The following SCN7A variants were observed in gnomAD, a reference collection of about 807,000 sequenced individuals.
SCN7A encodes the protein sodium channel protein type 7 subunit alpha.
In SCN7A, 138 loss-of-function variants were observed where a neutral mutation model predicts 155.2. That is an observed-to-expected ratio of 0.89 (90% CI 0.77 to 1.02). The LOEUF is 1.02. SCN7A is among the 50% of genes least tolerant of loss of function. SCN7A has a pLI of 0.00. For missense variants in SCN7A, 2,058 were observed against 1,986.6 expected, an observed-to-expected ratio of 1.04 and a Z score of -0.68; for synonymous variants, 693 against 649.0, an observed-to-expected ratio of 1.07 and a Z score of -1.03.
intron 11 of SCN7A, among the ~76,000 whole-genome samples, chr2:166,452,526 T>G (rs1702195549): frequency 6.6e-6 from 1 of 152,188 alleles, no homozygotes. Flanking sequence ...TTATATCCAG[T>G]GCTTTGTACA....
chr2:166,460,390 T>A (rs1159096879), intron 10 of SCN7A, among the ~76,000 whole-genome samples: 1 of 152,008 alleles, frequency 6.6e-6, no homozygotes. Flanking sequence ...TATGTGTAGA[T>A]GCTGAGAAAT....
At chr2:166,459,741 G>A (rs142771013) in intron 10 of SCN7A, among the ~76,000 whole-genome samples, 3 of 152,022 alleles carry the variant, frequency 2.0e-5, no homozygotes, top group Non-Finnish European at 2.9e-5. Context: ...GCCCATCAAC[G>A]TTAAACTGGA....
chr2:166,464,253 G>A (rs1273064842), intron 9 of SCN7A, among the ~76,000 whole-genome samples: 1 of 151,566 alleles, frequency 6.6e-6, no homozygotes, highest in Non-Finnish European at 1.5e-5. Context: ...GTGAGAAAAT[G>A]TCAAAATCCC....
At chr2:166,477,817 G>A (rs1433299021) in intron 2 of SCN7A, 107 bp from the exon 3 acceptor site, 4 of 592,460 alleles carry the variant, frequency 6.8e-6, no homozygotes, top group South Asian at 7.0e-5. Flanking sequence ...TGCATTTAAA[G>A]AACATATTCC....
chr2:166,450,923 G>C (rs985667682), intron 11 of SCN7A, among the ~76,000 whole-genome samples: 1 of 151,978 alleles, frequency 6.6e-6, no homozygotes, highest in African/African-American at 2.4e-5. Context: ...CCAAATTTTC[G>C]TGAGATTAAA....
At chr2:166,452,666 T>C (rs1397915543) in intron 11 of SCN7A, among the ~76,000 whole-genome samples, 1 of 151,394 alleles carries the variant, frequency 6.6e-6, no homozygotes, top group Non-Finnish European at 1.5e-5. Context: ...TTGCCAGTAG[T>C]TGACAATTCA....
rs201204940 is a variant in SCN7A, at chr2:166,416,804, C to T, written c.3317G>A (p.Arg1106Gln). The change falls in exon 21 of 26, where the codon CGG becomes CAG. Residue 1106 changes from arginine to glutamine, a missense_variant. By Grantham distance (43) the Arg-to-Gln change is conservative. Coordinates refer to ENST00000643258, the MANE Select transcript of SCN7A (RefSeq NM_002976.4). ...TTCGTTAAACAGAAGGCTTTCACAC[C>T]GACTCTTATTCATGACTTCAGATGA... is the stretch of plus-strand genomic sequence containing the variant. The part of the protein sequence containing the change: ...FPSSEVMNKS[R>Q]CESLLFNESM... 1.5e-4 allele frequency: 249 copies of T among 1,613,340 alleles called. 2 individuals carry two copies. Among genetic ancestry groups the T allele is most frequent in the Admixed American group, 5.0e-4 (30 of 59,932 alleles).
intron 22 of SCN7A, 118 bp downstream of exon 22, chr2:166,412,950 A>G (rs979772207): frequency 1.9e-5 from 17 of 882,118 alleles, no homozygotes; most frequent in Non-Finnish European, 2.6e-5. Flanking sequence ...TTGCCAATGA[A>G]ATATCCAATC....
At position 166,406,011 on chromosome 2, in the gene SCN7A, C is replaced by A. The variant is rs767621934; in HGVS notation, c.4618G>T (p.Asp1540Tyr). 7 of 1,612,970 alleles carry A rather than the reference C, an allele frequency of 4.3e-6. No homozygotes were observed. In the Admixed American group the frequency reaches 1.2e-4, roughly 27 times the overall value. The change falls in exon 26 of 26, where the codon GAT becomes TAT. Residue 1540 changes from aspartate (D) to tyrosine (Y), a missense_variant. Physicochemically the swap from Asp to Tyr is radical, Grantham distance 160. Transcript: ENST00000643258. ...TQYIDSSKLS[D>Y]FAAALDPPLF... ...GGAGGATCAAGAGCAGCTGCAAAAT[C>A]TGAAAGCTTGCTAGAGTCTATGTAC...
intron 10 of SCN7A, chr2:166,461,653 T>G (rs940597520): frequency 1.2e-5 from 1 of 82,946 alleles, no homozygotes; most frequent in African/African-American, 5.2e-5. Flanking sequence ...AATTAATACC[T>G]AGATATGTTC....
chr2:166,479,549 T>C (rs577220530), intron 2 of SCN7A, among the ~76,000 whole-genome samples: 1 of 151,930 alleles, frequency 6.6e-6, no homozygotes, highest in South Asian at 2.1e-4. Context: ...GCTTTTCATG[T>C]CTGCCGCATT....
chr2:166,465,757 T>A, intron 8 of SCN7A, 24 bp downstream of exon 8: 1 of 1,608,810 alleles, frequency 6.2e-7, no homozygotes, highest in Non-Finnish European at 8.5e-7. Context: ...CAATTTTTGA[T>A]ATACATGGCA....
At position 166,406,626 on chromosome 2, in the gene SCN7A, C is replaced by T; in HGVS notation, c.4003G>A (p.Val1335Ile). Residue 1335 changes from valine to isoleucine, a missense_variant, in exon 26 of 26, where the codon GTA (valine) becomes ATA (isoleucine). By Grantham distance (29) the Val-to-Ile change is conservative. Coordinates refer to ENST00000643258, the MANE Select transcript of SCN7A (RefSeq NM_002976.4). ...SITGLCLPMT[V>I]GSYLVPPSLV... The stretch of plus-strand genomic sequence containing the variant: ...GAAGGAGGCACAAGGTAGGATCCTA[C>T]TGTCATAGGCAGACATAGTCCTGGG... The T allele has an allele frequency of 6.2e-7, 1 of 1,606,234 alleles. No homozygotes were observed.
At chr2:166,484,578 T>A (rs910757172) in intron 2 of SCN7A, among the ~76,000 whole-genome samples, 1 of 151,970 alleles carries the variant, frequency 6.6e-6, no homozygotes, top group Non-Finnish European at 1.5e-5. Flanking sequence ...AAAAATCTAA[T>A]CTTGAAGGCT....
rs1553518832 is a variant in SCN7A, at chr2:166,456,827, T to TATATAG, written c.1290+42_1290+43insCTATAT. On this transcript the variant is annotated intron_variant, in intron 11 of 25. Coordinates refer to ENST00000643258, the MANE Select transcript of SCN7A (RefSeq NM_002976.4). ...AAATATATATATATATATATATATA[T>TATATAG]ATAGATAGATAGATAGATAGATAGA... 1.1e-4 allele frequency: 71 copies of TATATAG among 639,306 alleles called. 1 individual carries two copies. Among genetic ancestry groups the TATATAG allele is most frequent in the Admixed American group, 2.7e-4 (9 of 33,128 alleles). 39.6% of individuals were successfully genotyped at this position (639,306 alleles called of 1,614,324 possible).
chr2:166,490,685 A>G (rs369441413), intron 1 of SCN7A, among the ~76,000 whole-genome samples: 2 of 152,210 alleles, frequency 1.3e-5, no homozygotes, highest in East Asian at 1.9e-4. Context: ...CTGAATTAAA[A>G]AAATCTAGAA....
Position 166,414,062 on chromosome 2 carries a change from ATATAT to A in SCN7A, c.3415-946_3415-942del, listed in dbSNP as rs1166479517. On this transcript the variant is annotated intron_variant, in intron 21 of 25. Transcript: ENST00000643258. ...TATTTATATATGTAAATATATAAAA[ATATAT>A]TATATATGTAAATATATGTAAATAT... 2.8e-3 allele frequency among the ~76,000 whole-genome samples: 230 copies of A among 81,380 alleles called. 1 individual carries two copies. The highest frequency in any genetic ancestry group is 1.0e-2 in the African/African-American group (221 of 22,188). The allele number at this position is 81,380 out of a possible 152,430, so 53.4% of individuals were successfully genotyped here.
chr2:166,426,125 C>A (rs1014726684), intron 18 of SCN7A, among the ~76,000 whole-genome samples: 1 of 152,064 alleles, frequency 6.6e-6, no homozygotes, highest in Non-Finnish European at 1.5e-5. Context: ...CCTGGTAGAC[C>A]TCTTTAGGAT....
chr2:166,481,506 T>C (rs1289853667), intron 2 of SCN7A, among the ~76,000 whole-genome samples: 1 of 152,172 alleles, frequency 6.6e-6, no homozygotes, highest in Non-Finnish European at 1.5e-5. Context: ...GAGATGTGTT[T>C]TTGAAACAGA....
Sources: allele counts gnomAD v4.1 joint callset (sites outside exome capture counted in the v4.1 genomes callset), GRCh38; gene constraint gnomAD v4.1.1; transcripts MANE v1.5; gene names NCBI Gene and HGNC (gene_info 2026-07-23, HGNC 2026-07-21).